The following MCTP2 variants were observed in gnomAD, a reference collection of about 807,000 sequenced individuals.
The protein encoded by MCTP2 is multiple C2 and transmembrane domain containing 2.
A neutral mutation model predicts 111.6 loss-of-function variants in MCTP2; 132 were observed. The observed-to-expected ratio is 1.18, with a 90% confidence interval of 1.03 to 1.37. The LOEUF (loss-of-function observed/expected upper bound fraction) is 1.37. MCTP2 is among the 40% of genes most tolerant of loss of function. The probability of loss-of-function intolerance (pLI) is 0.00; values close to 1 mark genes in which losing one functional copy is unlikely to be tolerated. For missense variants in MCTP2, 1,183 were observed against 1,067.9 expected (o/e 1.11, Z -1.50); for synonymous variants, 395 against 387.7 (o/e 1.02, Z -0.22).
chr15:94,325,305 CAT>C (rs2076811891), intron 4 of MCTP2, among the ~76,000 whole-genome samples: 1 of 152,148 alleles, frequency 6.6e-6, no homozygotes, highest in African/African-American at 2.4e-5. Flanking sequence ...CTGAAACAGT[CAT>C]ATGCAATAAA....
chr15:94,369,270 C>T (rs1056306882), intron 11 of MCTP2, among the ~76,000 whole-genome samples: 2 of 152,128 alleles, frequency 1.3e-5, no homozygotes, highest in Non-Finnish European at 2.9e-5. Context: ...AATAGCCTTT[C>T]GTAAATCCTT....
intron 2 of MCTP2, among the ~76,000 whole-genome samples, chr15:94,313,862 C>T (rs2076258976): frequency 6.6e-6 from 1 of 152,208 alleles, no homozygotes; most frequent in Admixed American, 6.5e-5. Flanking sequence ...CTCTTTGAAA[C>T]GTTTCCTTCC....
intron 4 of MCTP2, among the ~76,000 whole-genome samples, chr15:94,327,686 T>C (rs2076943552): frequency 6.6e-6 from 1 of 152,262 alleles, no homozygotes; most frequent in African/African-American, 2.4e-5. Context: ...TGAGTTTTGG[T>C]AGCTTGTGGA....
intron 18 of MCTP2, among the ~76,000 whole-genome samples, chr15:94,440,734 T>C (rs2083733124): frequency 6.6e-6 from 1 of 152,204 alleles, no homozygotes; most frequent in Non-Finnish European, 1.5e-5. Context: ...GCTTGAAGGC[T>C]CAGGAGATTC....
At chr15:94,313,485 G>A (rs974051877) in intron 2 of MCTP2, among the ~76,000 whole-genome samples, 1 of 152,016 alleles carries the variant, frequency 6.6e-6, no homozygotes, top group African/African-American at 2.4e-5. Flanking sequence ...GGCAGATCAC[G>A]AGGTCAGGAG....
chr15:94,241,894 G>A (rs895674318), intron 1 of MCTP2, among the ~76,000 whole-genome samples: 1 of 152,046 alleles, frequency 6.6e-6, no homozygotes, highest in Admixed American at 6.6e-5. Context: ...ATATTAAAGA[G>A]ACTTTGAATT....
chr15:94,389,258 G>A (rs12906880), intron 14 of MCTP2, among the ~76,000 whole-genome samples: 53,503 of 151,800 alleles, frequency 0.35, 11,596 homozygotes, highest in Non-Finnish European at 0.49. Flanking sequence ...GGGGAGCAGA[G>A]GTGTAGGGGA....
intron 12 of MCTP2, among the ~76,000 whole-genome samples, chr15:94,373,855 A>T (rs2079613289): frequency 6.6e-6 from 1 of 152,208 alleles, no homozygotes; most frequent in South Asian, 2.1e-4. Flanking sequence ...ATGCAGCCTG[A>T]TGTCATTACT....
intron 1 of MCTP2, among the ~76,000 whole-genome samples, chr15:94,252,351 C>T (rs1019217591): frequency 1.3e-5 from 2 of 152,176 alleles, no homozygotes; most frequent in East Asian, 1.9e-4. Flanking sequence ...TTTCCATGTA[C>T]ATTTCCCTAA....
intron 12 of MCTP2, 86 bp downstream of exon 12, chr15:94,370,266 C>A (rs1012433861): frequency 1.9e-6 from 2 of 1,075,608 alleles, no homozygotes; most frequent in South Asian, 1.5e-5. Context: ...GCTTAATAAG[C>A]AGAAGTATGA....
intron 8 of MCTP2, among the ~76,000 whole-genome samples, chr15:94,346,954 A>G (rs79652860): frequency 0.03 from 4,566 of 152,144 alleles, 225 homozygotes; most frequent in African/African-American, 0.1. Flanking sequence ...ATTTGACTTC[A>G]GTGCACTGGG....
chr15:94,464,905 A>G (rs369523236), intron 20 of MCTP2, among the ~76,000 whole-genome samples: 8 of 152,140 alleles, frequency 5.3e-5, no homozygotes, highest in African/African-American at 1.9e-4. Flanking sequence ...TCAATTTTCC[A>G]TGTGAGCTTG....
intron 17 of MCTP2, among the ~76,000 whole-genome samples, chr15:94,429,939 A>G (rs750360957): frequency 2.6e-5 from 4 of 152,120 alleles, no homozygotes; most frequent in Non-Finnish European, 5.9e-5. Flanking sequence ...TTAATCTTCA[A>G]ATCATTCTCA....
intron 1 of MCTP2, among the ~76,000 whole-genome samples, chr15:94,293,811 T>C (rs1476041597): frequency 3.9e-5 from 6 of 152,236 alleles, no homozygotes; most frequent in Admixed American, 3.9e-4. Context: ...ATCAGGTTCT[T>C]TATAAAGTTA....
chr15:94,322,503 T>A (rs73462098), intron 4 of MCTP2, among the ~76,000 whole-genome samples: 1 of 152,104 alleles, frequency 6.6e-6, no homozygotes, highest in Non-Finnish European at 1.5e-5. Context: ...CCATAGACAA[T>A]AAACAAATGA....
At chr15:94,390,576 A>T (rs1038444349) in intron 14 of MCTP2, among the ~76,000 whole-genome samples, 2 of 152,138 alleles carry the variant, frequency 1.3e-5, no homozygotes, top group Non-Finnish European at 2.9e-5. Context: ...TACCCTTTCA[A>T]AATTACCCAA....
chr15:94,472,511 G>A (rs1379569602), intron 21 of MCTP2, among the ~76,000 whole-genome samples: 3 of 152,110 alleles, frequency 2.0e-5, no homozygotes, highest in African/African-American at 4.8e-5. Context: ...CCAAGATCTT[G>A]GCAGCTTTCC....
At chr15:94,436,690 A>G (rs1007703116) in intron 17 of MCTP2, among the ~76,000 whole-genome samples, 2 of 152,178 alleles carry the variant, frequency 1.3e-5, no homozygotes, top group African/African-American at 4.8e-5. Context: ...AGACATACAT[A>G]GTTTTATAAT....
intron 17 of MCTP2, among the ~76,000 whole-genome samples, chr15:94,413,050 G>T (rs1596630425): frequency 6.6e-6 from 1 of 152,042 alleles, no homozygotes; most frequent in Non-Finnish European, 1.5e-5. Flanking sequence ...TCAAAAACAG[G>T]GTTGGGGAAT....
Sources: allele counts gnomAD v4.1 joint callset (sites outside exome capture counted in the v4.1 genomes callset), GRCh38; gene constraint gnomAD v4.1.1; transcripts MANE v1.5; gene names NCBI Gene and HGNC (gene_info 2026-07-23, HGNC 2026-07-21).